ZNF793: variants seen among roughly 807,000 people sequenced by gnomAD.
ZNF793 encodes the protein zinc finger protein 793.
In ZNF793, 5 loss-of-function variants were observed where a neutral mutation model predicts 12.4. The ratio of observed to expected loss-of-function variants is 0.40; its 90% confidence interval spans 0.21 to 0.84. The LOEUF (loss-of-function observed/expected upper bound fraction) is 0.84, where lower values mean the gene tolerates loss of function less well. ZNF793 is among the 40% of genes least tolerant of loss of function. The pLI is 0.35. For synonymous variants in ZNF793, 162 were observed against 172.4 expected (o/e 0.94, Z 0.47); for missense variants, 456 against 495.0 (o/e 0.92, Z 0.75).
Position 37,508,355 on chromosome 19 carries a change from A to C in ZNF793, c.-324A>C, listed in dbSNP as rs532235304. 6.6e-6 allele frequency: 1 copy of C among 152,174 alleles called. No individual in the cohort carries two copies. The highest frequency in any genetic ancestry group is 1.5e-5 in the Non-Finnish European group (1 of 68,036). 9.4% of individuals were successfully genotyped at this position (152,174 alleles called of 1,614,324 possible). A position where few individuals can be genotyped will look rare whatever the true frequency, so the allele number is the denominator to read the frequency against. On this transcript the variant is annotated 5_prime_UTR_variant, in exon 2 of 8. Transcript: ENST00000627814. The stretch of plus-strand genomic sequence containing the variant: ...TGGAAATCCATTCTGACTCTGTGAC[A>C]GCGGGGATGGATGTGACCTTGCCCG...
At chr19:37,511,297 A>G (rs2042292921) in intron 2 of ZNF793, among the ~76,000 whole-genome samples, 1 of 152,222 alleles carries the variant, frequency 6.6e-6, no homozygotes, top group African/African-American at 2.4e-5. Flanking sequence ...ATAGGATTCC[A>G]TTTGAATCAT....
rs1236209828 is a variant in ZNF793 at position 37,538,139 on chromosome 19, TCTC to T, written c.*263_*265del. 2.9e-5 allele frequency: 10 copies of T among 342,292 alleles called. 1 individual carries two copies. The highest frequency in any genetic ancestry group is 5.3e-5 in the Non-Finnish European group (10 of 187,654). 21.2% of individuals were successfully genotyped at this position (342,292 alleles called of 1,614,324 possible). On this transcript the variant is annotated 3_prime_UTR_variant, in exon 8 of 8. Transcript: ENST00000627814. ...ACCGTGTTAGCCAGGATGGTCTCGA[TCTC>T]CTGACCTTGTGATCTGCCCGCCTTG...
At chr19:37,515,357 GAGTGC>G (rs1395510250) in intron 2 of ZNF793, among the ~76,000 whole-genome samples, 8 of 151,326 alleles carry the variant, frequency 5.3e-5, no homozygotes, top group Non-Finnish European at 1.5e-5. Context: ...GCCCAGGCTG[GAGTGC>G]AGTGGCGCAA....
intron 3 of ZNF793, among the ~76,000 whole-genome samples, chr19:37,522,194 TC>T (rs1280361882): frequency 6.6e-6 from 1 of 152,140 alleles, no homozygotes; most frequent in Non-Finnish European, 1.5e-5. Context: ...AACTTTTCTT[TC>T]TTGCTTTTTC....
chr19:37,516,155 C>T (rs1430588788), intron 2 of ZNF793, among the ~76,000 whole-genome samples: 4 of 152,094 alleles, frequency 2.6e-5, no homozygotes, highest in Non-Finnish European at 5.9e-5. Flanking sequence ...TGTTTTGAGA[C>T]AAGAGTTTCC....
At chr19:37,518,054 A>G (rs939216941) in intron 2 of ZNF793, among the ~76,000 whole-genome samples, 1 of 152,178 alleles carries the variant, frequency 6.6e-6, no homozygotes, top group Non-Finnish European at 1.5e-5. Context: ...GTATGTTATG[A>G]CTTGTATTTT....
chr19:37,534,903 C>A, intron 7 of ZNF793: 1 of 152,240 alleles, frequency 6.6e-6, no homozygotes, highest in South Asian at 2.0e-4. Context: ...AGGCTGGTCT[C>A]AAACTCCTGG....
chr19:37,536,953 C>A lies in ZNF793; in HGVS notation c.295C>A (p.Pro99Thr). ...RKRRQDMLLR[P>T]GAAISKKTLP... ...AAGACGGCAAGACATGCTTTTGAGG[C>A]CAGGCGCAGCCATAAGCAAGAAAAC... The change falls in exon 8 of 8, where the codon CCA becomes ACA. Residue 99 changes from proline (P) to threonine (T), a missense_variant. Pro to Thr is a conservative substitution (Grantham distance 38, BLOSUM62 -1). Coordinates refer to ENST00000627814, the MANE Select transcript of ZNF793 (RefSeq NM_001013659.3). 1 of 1,613,392 alleles carries A rather than the reference C, an allele frequency of 6.2e-7. No individual in the cohort carries two copies.
intron 1 of ZNF793, 176 bp downstream of exon 1, chr19:37,507,142 C>G (rs1170321467): frequency 6.6e-6 from 1 of 152,560 alleles, no homozygotes; most frequent in Non-Finnish European, 1.5e-5. Flanking sequence ...GACAAGGGAA[C>G]TGAAGGGTTA....
At chr19:37,518,369 T>C (rs150743100) in intron 2 of ZNF793, among the ~76,000 whole-genome samples, 2,027 of 152,174 alleles carry the variant, frequency 0.013, 42 homozygotes, top group Admixed American at 0.053. Flanking sequence ...TCAGTTGATC[T>C]GCCCGCCTTG....
chr19:37,533,279 C>G (rs748077696), intron 6 of ZNF793, 29 bp from the exon 7 acceptor site: 4 of 1,608,510 alleles, frequency 2.5e-6, no homozygotes, highest in Non-Finnish European at 3.4e-6. Context: ...GAGCTCAGCC[C>G]AAGACCTGCA....
chr19:37,513,309 T>C (rs1187826688), intron 2 of ZNF793, among the ~76,000 whole-genome samples: 2 of 152,238 alleles, frequency 1.3e-5, no homozygotes, highest in African/African-American at 2.4e-5. Flanking sequence ...CTTCTAATTA[T>C]GGTTACCAAA....
intron 2 of ZNF793, among the ~76,000 whole-genome samples, chr19:37,516,259 C>G (rs1568786927): frequency 6.6e-6 from 1 of 152,096 alleles, no homozygotes; most frequent in Non-Finnish European, 1.5e-5. Flanking sequence ...CTCAGCCTCC[C>G]AAGTAGCTGG....
chr19:37,514,666 T>A lies in ZNF793; in HGVS notation c.-275-5518T>A, dbSNP rs952013759. 5.9e-5 allele frequency among the ~76,000 whole-genome samples: 9 copies of A among 152,076 alleles called. No homozygotes were observed. In the South Asian group the frequency reaches 6.2e-4, roughly 10 times the overall value. ...ACACCATTACCCAACCCTTTTTTTT[T>A]TATATAAAGCCAACATTGTTGCATT... On this transcript the variant is annotated intron_variant, in intron 2 of 7. Coordinates refer to ENST00000627814, the MANE Select transcript of ZNF793 (RefSeq NM_001013659.3).
At chr19:37,514,435 A>G (rs1300233856) in intron 2 of ZNF793, among the ~76,000 whole-genome samples, 1 of 152,154 alleles carries the variant, frequency 6.6e-6, no homozygotes, top group Non-Finnish European at 1.5e-5. Context: ...GTACACCTAT[A>G]GTTTCAGCTA....
At chr19:37,518,328 T>C (rs1473114666) in intron 2 of ZNF793, among the ~76,000 whole-genome samples, 3 of 152,186 alleles carry the variant, frequency 2.0e-5, no homozygotes, top group East Asian at 1.9e-4. Context: ...GGTTTCACCA[T>C]GTTGGCCAGG....
intron 5 of ZNF793, among the ~76,000 whole-genome samples, chr19:37,526,509 C>T (rs1245029029): frequency 6.6e-6 from 1 of 152,204 alleles, no homozygotes; most frequent in Non-Finnish European, 1.5e-5. Context: ...GAAATATTGA[C>T]CCAGAGCCTG....
In ZNF793 at chr19:37,540,493, G is replaced by A. The variant is rs2042545045; in HGVS notation, c.*2614G>A. Reference sequence around the variant, plus strand: ...ATGAACTCTCAACAGATACTGAGAAGGCATTTCATAGAATGTGTTAATTTA... The same window carrying A: ...ATGAACTCTCAACAGATACTGAGAAAGCATTTCATAGAATGTGTTAATTTA... On this transcript the variant is annotated 3_prime_UTR_variant, in exon 8 of 8. Transcript: ENST00000627814. 1 of 125,992 alleles carries A rather than the reference G, an allele frequency of 7.9e-6. No individual in the cohort carries two copies. Among genetic ancestry groups the A allele is most frequent in the Non-Finnish European group, 1.9e-5 (1 of 52,870 alleles). The allele number at this position is 125,992 out of a possible 1,614,324, so 7.8% of individuals were successfully genotyped here.
intron 7 of ZNF793, chr19:37,536,558 A>G (rs938972743): frequency 1.2e-5 from 5 of 414,236 alleles, no homozygotes; most frequent in Admixed American, 4.0e-5. Context: ...CATGTTGTCT[A>G]TATTTTCATG....
Sources: allele counts gnomAD v4.1 joint callset (sites outside exome capture counted in the v4.1 genomes callset), GRCh38; gene constraint gnomAD v4.1.1; transcripts MANE v1.5; gene names NCBI Gene and HGNC (gene_info 2026-07-23, HGNC 2026-07-21).